Variants in GALNTL6 observed in about 807,000 individuals in gnomAD.
The protein encoded by GALNTL6 is polypeptide N-acetylgalactosaminyltransferase like 6.
Under a neutral mutation model 73.7 loss-of-function variants are expected in GALNTL6, and 46 were observed. That is an observed-to-expected ratio of 0.62 (90% CI 0.49 to 0.80). The LOEUF (loss-of-function observed/expected upper bound fraction) is 0.80. Among genes scored for constraint, GALNTL6 ranks in the 30% least tolerant of loss-of-function variants. GALNTL6 has a pLI of 0.00. For missense variants in GALNTL6, 604 were observed against 755.0 expected (o/e 0.80, Z 2.34); for synonymous variants, 259 against 263.7 (o/e 0.98, Z 0.17).
At chr4:171,816,732 TG>T (rs1734535946) in intron 2 of GALNTL6, among the ~76,000 whole-genome samples, 1 of 152,032 alleles carries the variant, frequency 6.6e-6, no homozygotes, top group Non-Finnish European at 1.5e-5. Context: ...GATTACTTAA[TG>T]AAAAATATAA....
At chr4:172,851,525 C>T (rs184460273) in intron 7 of GALNTL6, among the ~76,000 whole-genome samples, 6 of 152,040 alleles carry the variant, frequency 3.9e-5, no homozygotes, top group East Asian at 1.9e-4. Context: ...CAAATAAAGA[C>T]GTGTGCTTCA....
intron 3 of GALNTL6, among the ~76,000 whole-genome samples, chr4:172,306,502 G>A (rs1026438845): frequency 1.3e-5 from 2 of 152,304 alleles, no homozygotes; most frequent in African/African-American, 4.8e-5. Flanking sequence ...GGGAAAACAG[G>A]TGGTGTTTGT....
intron 5 of GALNTL6, among the ~76,000 whole-genome samples, chr4:172,564,854 A>C (rs1239223710): frequency 6.6e-6 from 1 of 152,240 alleles, no homozygotes; most frequent in Non-Finnish European, 1.5e-5. Context: ...GCACTCTTTT[A>C]TTCTCATCTT....
intron 2 of GALNTL6, among the ~76,000 whole-genome samples, chr4:171,938,059 G>A (rs191125605): frequency 4.3e-4 from 65 of 152,094 alleles, no homozygotes; most frequent in Middle Eastern, 3.4e-3. Context: ...TTACCTGTAG[G>A]CTTCAAAACA....
chr4:172,235,541 C>A (rs1379339766), intron 3 of GALNTL6, among the ~76,000 whole-genome samples: 1 of 152,078 alleles, frequency 6.6e-6, no homozygotes, highest in African/African-American at 2.4e-5. Context: ...ATTTCAAAAG[C>A]CAGTTTTTGA....
At chr4:173,013,195 G>C (rs906388379) in intron 11 of GALNTL6, among the ~76,000 whole-genome samples, 1 of 152,180 alleles carries the variant, frequency 6.6e-6, no homozygotes, top group Admixed American at 6.5e-5. Flanking sequence ...AAGCAATTCT[G>C]ACTTCAGCCT....
intron 2 of GALNTL6, among the ~76,000 whole-genome samples, chr4:171,995,005 A>G (rs1206048325): frequency 1.3e-5 from 2 of 151,882 alleles, no homozygotes; most frequent in East Asian, 3.9e-4. Context: ...ATAAAAATAA[A>G]CTCTCTAGAA....
intron 5 of GALNTL6, among the ~76,000 whole-genome samples, chr4:172,628,962 A>G (rs1352319503): frequency 6.6e-6 from 1 of 152,116 alleles, no homozygotes; most frequent in African/African-American, 2.4e-5. Context: ...TGCACACGAT[A>G]ATTTTCCCCT....
chr4:171,981,910 A>G (rs144394992), intron 2 of GALNTL6, among the ~76,000 whole-genome samples: 30 of 152,042 alleles, frequency 2.0e-4, no homozygotes, highest in African/African-American at 7.2e-4. Flanking sequence ...AAATATTTAT[A>G]TATATATTTT....
intron 2 of GALNTL6, among the ~76,000 whole-genome samples, chr4:172,029,863 G>C (rs2110817850): frequency 6.6e-6 from 1 of 152,200 alleles, no homozygotes; most frequent in African/African-American, 2.4e-5. Context: ...TTTGTGTGAT[G>C]CTCTAGAAGA....
chr4:172,499,816 G>A (rs1393708332), intron 5 of GALNTL6, among the ~76,000 whole-genome samples: 1 of 152,158 alleles, frequency 6.6e-6, no homozygotes, highest in African/African-American at 2.4e-5. Context: ...GTCTCAATGG[G>A]ATAGAATCAG....
At chr4:171,932,352 A>G (rs1183248327) in intron 2 of GALNTL6, among the ~76,000 whole-genome samples, 1 of 152,198 alleles carries the variant, frequency 6.6e-6, no homozygotes, top group Non-Finnish European at 1.5e-5. Context: ...TCCGTAGTCA[A>G]CAACCAAAAA....
intron 5 of GALNTL6, among the ~76,000 whole-genome samples, chr4:172,639,982 C>G (rs1418631179): frequency 6.6e-6 from 1 of 152,046 alleles, no homozygotes; most frequent in African/African-American, 2.4e-5. Flanking sequence ...ATCTTTCATT[C>G]CACTTTTCCC....
intron 5 of GALNTL6, among the ~76,000 whole-genome samples, chr4:172,663,940 A>AAAAG (rs33971189): frequency 0.99 from 145,316 of 147,186 alleles, 71,740 homozygotes; most frequent in Non-Finnish European, 0.99. Context: ...AAAAAAAAAA[A>AAAAG]AAAGAAAGAA....
chr4:172,648,851 T>G (rs992076458), intron 5 of GALNTL6, among the ~76,000 whole-genome samples: 3 of 152,178 alleles, frequency 2.0e-5, no homozygotes, highest in Non-Finnish European at 4.4e-5. Flanking sequence ...TTTGTATAAG[T>G]CCTTTGCCCA....
intron 12 of GALNTL6, among the ~76,000 whole-genome samples, chr4:173,035,180 CTT>C (rs5864181): frequency 1.4e-4 from 19 of 136,542 alleles, no homozygotes; most frequent in Non-Finnish European, 1.1e-4. Flanking sequence ...GTGCCATGCT[CTT>C]TTTTTTTTTT....
At chr4:173,027,295 T>C (rs1291159794) in intron 12 of GALNTL6, among the ~76,000 whole-genome samples, 1 of 152,178 alleles carries the variant, frequency 6.6e-6, no homozygotes, top group African/African-American at 2.4e-5. Flanking sequence ...CCCTGAAATA[T>C]TTTTATGTGT....
intron 5 of GALNTL6, among the ~76,000 whole-genome samples, chr4:172,572,035 A>G (rs1162498144): frequency 1.3e-5 from 2 of 152,124 alleles, no homozygotes; most frequent in Non-Finnish European, 2.9e-5. Flanking sequence ...ATATCTTTCA[A>G]TTGGCAGGCA....
intron 2 of GALNTL6, among the ~76,000 whole-genome samples, chr4:171,974,060 C>T (rs773898166): frequency 6.6e-6 from 1 of 151,930 alleles, no homozygotes; most frequent in African/African-American, 2.4e-5. Context: ...AGTGCAGTGG[C>T]GAGATCTCAG....
Sources: allele counts gnomAD v4.1 joint callset (sites outside exome capture counted in the v4.1 genomes callset), GRCh38; gene constraint gnomAD v4.1.1; transcripts MANE v1.5; gene names NCBI Gene and HGNC (gene_info 2026-07-23, HGNC 2026-07-21).